Variants in PRDM11 observed in about 807,000 individuals in gnomAD.
PRDM11 encodes PR domain-containing protein 11.
In PRDM11, 20 loss-of-function variants were observed where a neutral mutation model predicts 97.8. The observed-to-expected ratio is 0.20, with a 90% CI of 0.14 to 0.30. PRDM11 has a LOEUF of 0.30. PRDM11 is among the 10% of genes least tolerant of loss of function. PRDM11 has a pLI of 1.00. For synonymous variants in PRDM11, 599 were observed against 637.7 expected (o/e 0.94, Z 0.91); for missense variants, 1,139 against 1,555.2 (o/e 0.73, Z 4.50).
At chr11:45,210,564 C>T (rs1343653488) in intron 5 of PRDM11, among the ~76,000 whole-genome samples, 2 of 152,216 alleles carry the variant, frequency 1.3e-5, no homozygotes, top group Non-Finnish European at 2.9e-5. Flanking sequence ...GGGAAGCAGC[C>T]GTGGCTCAGC....
chr11:45,166,226 G>A (rs1251663316), intron 1 of PRDM11, among the ~76,000 whole-genome samples: 1 of 152,216 alleles, frequency 6.6e-6, no homozygotes, highest in East Asian at 1.9e-4. Flanking sequence ...ATCCTGCCCT[G>A]CTTTCTTAGG....
At chr11:45,150,884 G>C (rs1184324352) in intron 1 of PRDM11, among the ~76,000 whole-genome samples, 1 of 152,206 alleles carries the variant, frequency 6.6e-6, no homozygotes, top group African/African-American at 2.4e-5. Context: ...ACTGAAAACA[G>C]CTCCACAAGG....
chr11:45,210,825 C>T (rs543333543), intron 5 of PRDM11, among the ~76,000 whole-genome samples: 1 of 152,340 alleles, frequency 6.6e-6, no homozygotes, highest in Non-Finnish European at 1.5e-5. Flanking sequence ...GGTCTGCTGG[C>T]TTCCTGTGAA....
chr11:45,166,985 T>A (rs141348480), intron 1 of PRDM11, among the ~76,000 whole-genome samples: 1 of 152,380 alleles, frequency 6.6e-6, no homozygotes, highest in East Asian at 1.9e-4. Flanking sequence ...TGTTTACTTC[T>A]TTATTGCTCA....
chr11:45,199,366 T>C (rs1383888384), intron 4 of PRDM11, among the ~76,000 whole-genome samples: 1 of 152,156 alleles, frequency 6.6e-6, no homozygotes, highest in Non-Finnish European at 1.5e-5. Context: ...GACCATCACT[T>C]TTTGTGCTGA....
rs142559276 is a variant in PRDM11 at position 45,212,007 on chromosome 11, C to T, written c.554+7229C>T. 1.5e-3 allele frequency among the ~76,000 whole-genome samples: 231 copies of T among 152,310 alleles called. 1 individual carries two copies. Among genetic ancestry groups the T allele is most frequent in the African/African-American group, 5.3e-3 (220 of 41,548 alleles). On this transcript the variant is annotated intron_variant, in intron 5 of 7. Coordinates refer to ENST00000683152, the MANE Select transcript of PRDM11 (RefSeq NM_001384648.1). Reference sequence around the variant, plus strand: ...CGTCTTAGTACCTTTAGGCAGGTGCCGCTCCTTCAGCGTTACAGAGCACCT... The same window carrying T: ...CGTCTTAGTACCTTTAGGCAGGTGCTGCTCCTTCAGCGTTACAGAGCACCT...
At chr11:45,163,043 G>A (rs903067446) in intron 1 of PRDM11, among the ~76,000 whole-genome samples, 1 of 152,174 alleles carries the variant, frequency 6.6e-6, no homozygotes, top group Non-Finnish European at 1.5e-5. Context: ...CCTGAACTGG[G>A]ATGCTCTCAA....
In PRDM11 at chr11:45,207,852, C is replaced by T. The variant is rs552358633; in HGVS notation, c.554+3074C>T. On this transcript the variant is annotated intron_variant, in intron 5 of 7. Coordinates refer to ENST00000683152, the MANE Select transcript of PRDM11 (RefSeq NM_001384648.1). The stretch of plus-strand genomic sequence containing the variant: ...AAGGATGTTGGTGCCGCCGGCCTTC[C>T]CCTCTTGGTTTCAGAAGGAAACCAA... Among the ~76,000 whole-genome samples, 5 of 152,304 alleles carry T rather than the reference C, an allele frequency of 3.3e-5. No individual in the cohort carries two copies. The South Asian group carries it at 1.0e-3, about 32-fold the overall frequency.
intron 1 of PRDM11, among the ~76,000 whole-genome samples, chr11:45,111,338 CA>C (rs994625052): frequency 1.2e-4 from 7 of 56,224 alleles, no homozygotes; most frequent in African/African-American, 2.0e-4. Flanking sequence ...CCCTCTATGC[CA>C]AACGGCATTC....
At chr11:45,117,240 A>G (rs1015798086) in intron 1 of PRDM11, among the ~76,000 whole-genome samples, 7 of 151,914 alleles carry the variant, frequency 4.6e-5, no homozygotes, top group African/African-American at 1.7e-4. Context: ...AAAAAAAAAA[A>G]AAAAAAAGAG....
At chr11:45,181,693 G>A (rs754706044) in intron 1 of PRDM11, 68 bp from the exon 2 acceptor site, 78 of 1,380,258 alleles carry the variant, frequency 5.7e-5, no homozygotes, top group Non-Finnish European at 7.5e-5. Context: ...TGCCCTCTCC[G>A]CCGCTCACTC....
intron 4 of PRDM11, 142 bp downstream of exon 4, chr11:45,183,265 C>T (rs1852582868): frequency 2.5e-6 from 3 of 1,200,412 alleles, no homozygotes; most frequent in Non-Finnish European, 3.4e-6. Flanking sequence ...ATCTTGCTGT[C>T]CCCTGGCCCC....
intron 1 of PRDM11, among the ~76,000 whole-genome samples, chr11:45,117,226 C>CA (rs34073689): frequency 0.066 from 5,445 of 82,036 alleles, 704 homozygotes; most frequent in African/African-American, 0.25. Context: ...GACTCCATCT[C>CA]AAAAAAAAAA....
intron 4 of PRDM11, among the ~76,000 whole-genome samples, chr11:45,190,322 T>G (rs904053816): frequency 6.6e-6 from 1 of 152,060 alleles, no homozygotes; most frequent in Non-Finnish European, 1.5e-5. Context: ...AATTTTTTTG[T>G]ATTTTAGTAG....
chr11:45,117,097 G>A (rs529766714), intron 1 of PRDM11, among the ~76,000 whole-genome samples: 2 of 151,920 alleles, frequency 1.3e-5, no homozygotes, highest in East Asian at 1.9e-4. Context: ...GGTGGTGTGC[G>A]TCTATAGTCC....
At chr11:45,205,906 A>T (rs952882740) in intron 5 of PRDM11, among the ~76,000 whole-genome samples, 1 of 152,068 alleles carries the variant, frequency 6.6e-6, no homozygotes, top group African/African-American at 2.4e-5. Flanking sequence ...AGGTGTTCTC[A>T]TTGCCGTTTG....
intron 5 of PRDM11, among the ~76,000 whole-genome samples, chr11:45,207,349 G>A (rs881339): frequency 0.017 from 2,538 of 152,256 alleles, 30 homozygotes; most frequent in African/African-American, 0.039. Flanking sequence ...GGGCACTGTC[G>A]TGTTGAGCTT....
Position 45,224,739 on chromosome 11 carries a change from G to A in PRDM11, c.1265G>A (p.Arg422Gln), listed in dbSNP as rs926750649. 24 of 1,614,014 alleles carry A rather than the reference G, an allele frequency of 1.5e-5. No individual in the cohort carries two copies. Among genetic ancestry groups the A allele is most frequent in the Admixed American group, 6.7e-5 (4 of 60,006 alleles). Residue 422 changes from arginine (R) to glutamine (Q), a missense_variant, in exon 7 of 8, where the codon CGG (arginine) becomes CAG (glutamine). This residue lies in a region of PRDM11 where 710 missense variants were observed against 1,044.9 expected (regional missense o/e 0.68). Transcript: ENST00000683152. ...PNCIRLKKKV[R>Q]ELQAELDMLK... ...TGTATTCGCCTAAAGAAGAAGGTTCGGGAGCTCCAGGCAGAATTAGACATG... is the reference window on the plus strand; with the variant it reads ...TGTATTCGCCTAAAGAAGAAGGTTCAGGAGCTCCAGGCAGAATTAGACATG...
intron 1 of PRDM11, among the ~76,000 whole-genome samples, chr11:45,158,351 A>G (rs1851850366): frequency 6.6e-6 from 1 of 152,108 alleles, no homozygotes; most frequent in East Asian, 1.9e-4. Flanking sequence ...GCCCCAGTTC[A>G]GGGTGGCCCA....
Sources: gnomAD v4.1 joint callset for allele counts (sites outside exome capture counted in the v4.1 genomes callset) on GRCh38, gnomAD v4.1.1 for gene constraint, gnomAD v4.1.1 regional missense constraint, MANE v1.5 for transcripts, NCBI Gene and HGNC (gene_info 2026-07-23, HGNC 2026-07-21) for gene names.